The following HIBADH variants were observed in gnomAD, a reference collection of about 807,000 sequenced individuals.
HIBADH encodes the protein 3-hydroxyisobutyrate dehydrogenase.
Under a neutral mutation model 36.1 loss-of-function variants are expected in HIBADH, and 25 were observed. The ratio of observed to expected loss-of-function variants is 0.69; its 90% CI spans 0.50 to 0.97. The LOEUF (loss-of-function observed/expected upper bound fraction) is 0.97, where lower values mean the gene tolerates loss of function less well. Ranked by LOEUF, HIBADH falls within the 50% of genes least tolerant of loss-of-function variation. The probability of loss-of-function intolerance (pLI) is 0.00; values close to 1 mark genes in which losing one functional copy is unlikely to be tolerated. For missense variants in HIBADH, 421 were observed against 418.0 expected (o/e 1.01, Z -0.06); for synonymous variants, 160 against 149.5 (o/e 1.07, Z -0.51).
intron 1 of HIBADH, 44 bp downstream of exon 1, chr7:27,662,654 G>C: frequency 8.5e-7 from 1 of 1,181,936 alleles, no homozygotes; most frequent in Non-Finnish European, 1.1e-6. Flanking sequence ...GAAGAAGCGA[G>C]CGGCCGAAAG....
chr7:27,564,758 T>G (rs1052284948), intron 4 of HIBADH, among the ~76,000 whole-genome samples: 5 of 152,236 alleles, frequency 3.3e-5, no homozygotes, highest in Non-Finnish European at 7.3e-5. Flanking sequence ...AATCCATCAA[T>G]CCATGAACAC....
Position 27,649,852 on chromosome 7 carries a change from G to A in HIBADH, c.92-219C>T, listed in dbSNP as rs370022562. 3.4e-4 allele frequency among the ~76,000 whole-genome samples: 52 copies of A among 151,226 alleles called. No individual in the cohort carries two copies. The East Asian group carries it at 8.5e-3, about 25-fold the overall frequency. On this transcript the variant is annotated intron_variant, in intron 1 of 7. Transcript: ENST00000265395. ...GTTTTAGAACAGCCTAGGCAACACA[G>A]TGAGATCCCATCTCAAAAATAAATA...
intron 2 of HIBADH, among the ~76,000 whole-genome samples, chr7:27,640,848 T>C (rs888233256): frequency 2.0e-5 from 3 of 152,220 alleles, no homozygotes; most frequent in Non-Finnish European, 4.4e-5. Flanking sequence ...GTACATTTAA[T>C]GATCTATACA....
At chr7:27,588,641 T>C (rs1397367706) in intron 4 of HIBADH, among the ~76,000 whole-genome samples, 1 of 152,126 alleles carries the variant, frequency 6.6e-6, no homozygotes, top group Non-Finnish European at 1.5e-5. Context: ...CAGTATAGAG[T>C]ATTTTAAAAT....
At chr7:27,615,836 G>A (rs1289995143) in intron 4 of HIBADH, among the ~76,000 whole-genome samples, 1 of 152,240 alleles carries the variant, frequency 6.6e-6, no homozygotes, top group East Asian at 1.9e-4. Context: ...TCCTTCAGGA[G>A]GTATTCCAGA....
At chr7:27,579,828 A>T (rs1300208550) in intron 4 of HIBADH, among the ~76,000 whole-genome samples, 1 of 152,224 alleles carries the variant, frequency 6.6e-6, no homozygotes. Flanking sequence ...CACAGCCACC[A>T]AAAAAGCAGC....
rs1181040179 is a variant in HIBADH at position 27,590,159 on chromosome 7, A to G, written c.484+39212T>C. The stretch of plus-strand genomic sequence containing the variant: ...GGAATATGCCCACTCCAAGAGATTC[A>G]ATGGTACATCATTTCATTTAAGTCT... On this transcript the variant is annotated intron_variant, in intron 4 of 7. Coordinates refer to ENST00000265395, the MANE Select transcript of HIBADH (RefSeq NM_152740.4). 3.3e-5 allele frequency among the ~76,000 whole-genome samples: 5 copies of G among 152,164 alleles called. No individual in the cohort carries two copies. The East Asian group carries it at 9.6e-4, about 29-fold the overall frequency.
chr7:27,605,751 C>T (rs1441294682), intron 4 of HIBADH, among the ~76,000 whole-genome samples: 1 of 151,966 alleles, frequency 6.6e-6, no homozygotes, highest in Non-Finnish European at 1.5e-5. Context: ...CAATTCTTTG[C>T]AGATACTTAA....
intron 1 of HIBADH, among the ~76,000 whole-genome samples, chr7:27,650,108 C>G (rs1033772506): frequency 6.6e-6 from 1 of 151,920 alleles, no homozygotes; most frequent in African/African-American, 2.4e-5. Context: ...TATAAAACAC[C>G]TAATATGTAA....
At chr7:27,597,088 A>G (rs957991325) in intron 4 of HIBADH, among the ~76,000 whole-genome samples, 1 of 152,146 alleles carries the variant, frequency 6.6e-6, no homozygotes, top group Non-Finnish European at 1.5e-5. Flanking sequence ...AAAATAAGCA[A>G]AGAAAATAAA....
intron 4 of HIBADH, among the ~76,000 whole-genome samples, chr7:27,575,234 A>G (rs1784690649): frequency 6.6e-6 from 1 of 152,224 alleles, no homozygotes; most frequent in African/African-American, 2.4e-5. Flanking sequence ...GGTATACAGT[A>G]ATTACAATGT....
At chr7:27,549,485 T>G (rs1489855621) in intron 4 of HIBADH, among the ~76,000 whole-genome samples, 2 of 152,160 alleles carry the variant, frequency 1.3e-5, no homozygotes, top group Admixed American at 1.3e-4. Context: ...AAATCTCAAA[T>G]ATAGATCTGA....
chr7:27,622,546 C>A (rs1583603511), intron 4 of HIBADH, among the ~76,000 whole-genome samples: 1 of 151,776 alleles, frequency 6.6e-6, no homozygotes, highest in Admixed American at 6.6e-5. Flanking sequence ...GCTAGTTTAA[C>A]CAGGAAAAGA....
At chr7:27,611,918 T>C (rs1036542433) in intron 4 of HIBADH, among the ~76,000 whole-genome samples, 2 of 152,208 alleles carry the variant, frequency 1.3e-5, no homozygotes, top group Non-Finnish European at 2.9e-5. Context: ...TAAATATCAC[T>C]TCCCCAGAAA....
chr7:27,555,103 A>T (rs1784372699), intron 4 of HIBADH, among the ~76,000 whole-genome samples: 1 of 152,124 alleles, frequency 6.6e-6, no homozygotes, highest in Non-Finnish European at 1.5e-5. Context: ...GAGCAGAAAA[A>T]CACTCCTCTG....
intron 4 of HIBADH, among the ~76,000 whole-genome samples, chr7:27,544,524 T>G (rs950881595): frequency 2.0e-5 from 3 of 152,336 alleles, no homozygotes; most frequent in African/African-American, 7.2e-5. Flanking sequence ...CTTATAACAT[T>G]AAAGTGACTG....
At chr7:27,649,666 A>G in intron 1 of HIBADH, 33 bp from the exon 2 acceptor site, 1 of 1,503,878 alleles carries the variant, frequency 6.6e-7, no homozygotes, top group Non-Finnish European at 8.9e-7. Flanking sequence ...AATAGGGGCA[A>G]ATAACATTTT....
At chr7:27,564,920 A>T (rs909726835) in intron 4 of HIBADH, among the ~76,000 whole-genome samples, 1 of 152,210 alleles carries the variant, frequency 6.6e-6, no homozygotes, top group Non-Finnish European at 1.5e-5. Context: ...CAATTGCATT[A>T]ATTATGCCTT....
chr7:27,583,996 A>G (rs547673949), intron 4 of HIBADH, among the ~76,000 whole-genome samples: 75 of 152,160 alleles, frequency 4.9e-4, no homozygotes, highest in African/African-American at 1.8e-3. Context: ...AGACAGCTGG[A>G]TTTTCATAGT....
Sources: gnomAD v4.1 joint callset for allele counts (sites outside exome capture counted in the v4.1 genomes callset) on GRCh38, gnomAD v4.1.1 for gene constraint, MANE v1.5 for transcripts, NCBI Gene and HGNC (gene_info 2026-07-23, HGNC 2026-07-21) for gene names.